The following BTBD9 variants were observed in gnomAD, a reference collection of about 807,000 sequenced individuals.
BTBD9 encodes BTB domain containing 9.
Under a neutral mutation model 64.3 loss-of-function variants are expected in BTBD9, and 49 were observed. The ratio of observed to expected loss-of-function variants is 0.76; its 90% confidence interval spans 0.61 to 0.97. The LOEUF (loss-of-function observed/expected upper bound fraction) is 0.97. BTBD9 is among the 50% of genes least tolerant of loss of function. BTBD9 has a pLI of 0.00. For missense variants in BTBD9, 598 were observed against 762.1 expected, an observed-to-expected ratio of 0.78 and a Z score of 2.53; for synonymous variants, 260 against 274.7, an observed-to-expected ratio of 0.95 and a Z score of 0.53.
intron 10 of BTBD9, among the ~76,000 whole-genome samples, chr6:38,181,620 G>A (rs1179195624): frequency 2.0e-5 from 3 of 152,296 alleles, no homozygotes; most frequent in Non-Finnish European, 4.4e-5. Context: ...AAATGAAGAC[G>A]AGTGCCTCCA....
At chr6:38,332,711 A>C (rs1418694150) in intron 7 of BTBD9, among the ~76,000 whole-genome samples, 2 of 152,212 alleles carry the variant, frequency 1.3e-5, no homozygotes, top group Non-Finnish European at 2.9e-5. Flanking sequence ...AAACACACAC[A>C]TAACTGGGAT....
At chr6:38,442,235 C>T (rs529521075) in intron 6 of BTBD9, among the ~76,000 whole-genome samples, 3 of 152,240 alleles carry the variant, frequency 2.0e-5, no homozygotes, top group Admixed American at 1.3e-4. Context: ...CACCTGTAAT[C>T]CCAGCACTTT....
At chr6:38,188,081 G>C (rs1460416929) in intron 10 of BTBD9, among the ~76,000 whole-genome samples, 1 of 152,234 alleles carries the variant, frequency 6.6e-6, no homozygotes, top group African/African-American at 2.4e-5. Context: ...CAGCAGGCAA[G>C]AAATCCCAGT....
rs372733545 is a variant in BTBD9, at chr6:38,258,616, C to T, written c.1455-2100G>A. 6.3e-4 allele frequency among the ~76,000 whole-genome samples: 96 copies of T among 152,290 alleles called. 2 individuals carry two copies. Among genetic ancestry groups the T allele is most frequent in the Admixed American group, 5.8e-3 (88 of 15,296 alleles). ...TGTAACTACAGCAATAATGGCCGGG[C>T]GCAGTGGCTCACGCCTGTAATCCCA... On this transcript the variant is annotated intron_variant, in intron 8 of 10. Coordinates refer to ENST00000481247, the MANE Select transcript of BTBD9 (RefSeq NM_001099272.2).
rs371662416 is a variant in BTBD9, at chr6:38,418,208, CA to C, written c.1155-73116del. Among the ~76,000 whole-genome samples the C allele has an allele frequency of 5.1e-3, 771 of 152,200 alleles. 6 individuals carry two copies. Among genetic ancestry groups the C allele is most frequent in the African/African-American group, 0.015 (627 of 41,490 alleles). On this transcript the variant is annotated intron_variant, in intron 6 of 10. Transcript: ENST00000481247. ...AGCCTTCCAAGAGAAATAAATTACA[CA>C]AAATCACTCTTTCTGACTCTAAATA... is the stretch of plus-strand genomic sequence containing the variant.
intron 6 of BTBD9, among the ~76,000 whole-genome samples, chr6:38,568,719 G>A (rs1205744433): frequency 2.0e-5 from 3 of 152,186 alleles, no homozygotes; most frequent in Non-Finnish European, 4.4e-5. Flanking sequence ...AAATATCTAT[G>A]AAATGTATTA....
intron 8 of BTBD9, among the ~76,000 whole-genome samples, chr6:38,280,587 A>G (rs1761472486): frequency 6.6e-6 from 1 of 152,236 alleles, no homozygotes; most frequent in Non-Finnish European, 1.5e-5. Flanking sequence ...CTAGCTCTCT[A>G]GGTTGCAAAG....
chr6:38,545,855 T>TACACACACACACACAC lies in BTBD9; in HGVS notation c.1154+31729_1154+31744dup, dbSNP rs34465570. Among the ~76,000 whole-genome samples the TACACACACACACACAC allele has an allele frequency of 6.9e-5, 9 of 130,644 alleles. No individual in the cohort carries two copies. The South Asian group carries it at 8.3e-4, about 12-fold the overall frequency. 85.7% of individuals were successfully genotyped at this position (130,644 alleles called of 152,430 possible). ...TATTTAAAACACACACACACACACA[T>TACACACACACACACAC]ACACACACACACACACACACACACA... On this transcript the variant is annotated intron_variant, in intron 6 of 10. Coordinates refer to ENST00000481247, the MANE Select transcript of BTBD9 (RefSeq NM_001099272.2).
chr6:38,252,400 T>A (rs865920270), intron 9 of BTBD9, among the ~76,000 whole-genome samples: 13 of 152,348 alleles, frequency 8.5e-5, no homozygotes, highest in Middle Eastern at 3.4e-3. Context: ...CATTTACATA[T>A]CTTCTATATT....
At chr6:38,268,960 C>T (rs1222226226) in intron 8 of BTBD9, among the ~76,000 whole-genome samples, 2 of 152,184 alleles carry the variant, frequency 1.3e-5, no homozygotes, top group Non-Finnish European at 2.9e-5. Context: ...CCTGGAATTT[C>T]CTCCCTGTTA....
chr6:38,624,325 G>A (rs186174438), intron 1 of BTBD9, among the ~76,000 whole-genome samples: 171 of 152,240 alleles, frequency 1.1e-3, no homozygotes, highest in Non-Finnish European at 2.1e-3. Context: ...TCCACACTGT[G>A]GAAGCTTTGT....
chr6:38,549,425 C>A (rs968765567), intron 6 of BTBD9, among the ~76,000 whole-genome samples: 2 of 152,144 alleles, frequency 1.3e-5, no homozygotes, highest in Non-Finnish European at 2.9e-5. Context: ...GCCCTGGTAA[C>A]CTGCTTTGGA....
chr6:38,174,850 GC>G lies in BTBD9; in HGVS notation c.*134del, dbSNP rs1766926754. Reference sequence around the variant, plus strand: ...TTGGGAGAAAACCTGTTCGGTGTCTGCTTTTGCAGCTAGGTCGGCTCCTCCC... The same window carrying G: ...TTGGGAGAAAACCTGTTCGGTGTCTGTTTTGCAGCTAGGTCGGCTCCTCCC... On this transcript the variant is annotated 3_prime_UTR_variant, in exon 11 of 11. Coordinates refer to ENST00000481247, the MANE Select transcript of BTBD9 (RefSeq NM_001099272.2). 9 of 1,023,300 alleles carry G rather than the reference GC, an allele frequency of 8.8e-6. No individual in the cohort carries two copies. Among genetic ancestry groups the G allele is most frequent in the Non-Finnish European group, 1.1e-5 (8 of 696,616 alleles). The allele number at this position is 1,023,300 out of a possible 1,614,324, so 63.4% of individuals were successfully genotyped here.
chr6:38,353,180 T>C (rs1764590144), intron 6 of BTBD9, among the ~76,000 whole-genome samples: 1 of 152,220 alleles, frequency 6.6e-6, no homozygotes, highest in Non-Finnish European at 1.5e-5. Flanking sequence ...ATAGTACACC[T>C]ATTATAGCTA....
intron 6 of BTBD9, chr6:38,402,840 G>A (rs918283488): frequency 1.4e-6 from 1 of 701,076 alleles, no homozygotes; most frequent in African/African-American, 1.8e-5. Context: ...GGCCAAGGAG[G>A]GAGGATTGCT....
intron 9 of BTBD9, among the ~76,000 whole-genome samples, chr6:38,245,071 CATGCTTCT>C (rs1764135518): frequency 6.6e-6 from 1 of 152,170 alleles, no homozygotes. Flanking sequence ...CAATGGCACG[CATGCTTCT>C]ATTCATTCAG....
Position 38,212,737 on chromosome 6 carries a change from G to A in BTBD9, c.1563-20140C>T, listed in dbSNP as rs12154127. Among the ~76,000 whole-genome samples the A allele has an allele frequency of 5.0e-4, 76 of 152,076 alleles. 1 individual carries two copies. The highest frequency in any genetic ancestry group is 1.0e-3 in the Non-Finnish European group (70 of 68,024). The stretch of plus-strand genomic sequence containing the variant: ...TAAACAAAGTTATTGATTTAATGAC[G>A]TCAGCAGCTCCTTTCAGCCTGTGAG... On this transcript the variant is annotated intron_variant, in intron 9 of 10. Coordinates refer to ENST00000481247, the MANE Select transcript of BTBD9 (RefSeq NM_001099272.2).
chr6:38,376,026 T>C (rs1765684838), intron 6 of BTBD9, among the ~76,000 whole-genome samples: 1 of 152,162 alleles, frequency 6.6e-6, no homozygotes, highest in Non-Finnish European at 1.5e-5. Context: ...TTATATGTCA[T>C]GTTCAATATA....
At chr6:38,395,489 G>T (rs1231583427) in intron 6 of BTBD9, among the ~76,000 whole-genome samples, 1 of 152,148 alleles carries the variant, frequency 6.6e-6, no homozygotes. Context: ...ACCTATAAAT[G>T]AGTAAATGGC....
Sources: gnomAD v4.1 joint callset for allele counts (sites outside exome capture counted in the v4.1 genomes callset) on GRCh38, gnomAD v4.1.1 for gene constraint, MANE v1.5 for transcripts, NCBI Gene and HGNC (gene_info 2026-07-23, HGNC 2026-07-21) for gene names.